NLRP8: variants seen among roughly 807,000 people sequenced by gnomAD.
The protein encoded by NLRP8 is NLR family pyrin domain containing 8.
A neutral mutation model predicts 88.7 loss-of-function variants in NLRP8; 86 were observed. That is an observed-to-expected ratio of 0.97 (90% CI 0.81 to 1.16). The LOEUF (loss-of-function observed/expected upper bound fraction) is 1.16, where lower values mean the gene tolerates loss of function less well. NLRP8 is among the 50% of genes most tolerant of loss of function. The pLI is 0.00. For synonymous variants in NLRP8, 504 were observed against 494.6 expected (o/e 1.02, Z -0.25); for missense variants, 1,342 against 1,286.5 (o/e 1.04, Z -0.66).
rs376178264 is a variant in NLRP8 at position 55,947,869 on chromosome 19, G to A, written c.-34G>A. 2.4e-5 allele frequency: 37 copies of A among 1,571,436 alleles called. No individual in the cohort carries two copies. The highest frequency in any genetic ancestry group is 1.9e-4 in the Middle Eastern group (1 of 5,364). ...TCTCTTCCAATCGGTTGTCTTTATCGTGGACACTGAGGTGTTCTCTGCCTT... is the reference window on the plus strand; with the variant it reads ...TCTCTTCCAATCGGTTGTCTTTATCATGGACACTGAGGTGTTCTCTGCCTT... On this transcript the variant is annotated 5_prime_UTR_variant, in exon 1 of 10. It adds an upstream start codon to the 5' untranslated region. Transcript: ENST00000291971.
At position 55,948,022 on chromosome 19, in the gene NLRP8, G is replaced by C; in HGVS notation, c.120G>C (p.Gly40=). 1.2e-6 allele frequency: 2 copies of C among 1,614,018 alleles called. No individual in the cohort carries two copies. The highest frequency in any genetic ancestry group is 1.7e-6 in the Non-Finnish European group (2 of 1,180,016). ...ACCCCGGCTCCCCATGTGAAAATGG[G>C]GTCATGCTGTACATGAGAAACGTGA... Residue 40 remains glycine, a synonymous_variant, in exon 1 of 10, where the codon GGG becomes GGC. Coordinates refer to ENST00000291971, the MANE Select transcript of NLRP8 (RefSeq NM_176811.2).
chr19:55,956,361 A>G (rs959200305), intron 3 of NLRP8, among the ~76,000 whole-genome samples: 3 of 152,072 alleles, frequency 2.0e-5, no homozygotes, highest in Non-Finnish European at 4.4e-5. Context: ...CTCCTGCCTC[A>G]GCCTCCCGAG....
chr19:55,971,077 T>C (rs1354553120), intron 6 of NLRP8, among the ~76,000 whole-genome samples: 1 of 152,148 alleles, frequency 6.6e-6, no homozygotes, highest in Non-Finnish European at 1.5e-5. Flanking sequence ...CCTTAATTTA[T>C]GTATAGTATT....
intron 5 of NLRP8, among the ~76,000 whole-genome samples, chr19:55,966,728 A>G (rs570509403): frequency 4.9e-4 from 74 of 152,058 alleles, no homozygotes; most frequent in Non-Finnish European, 1.0e-3. Flanking sequence ...AGGCAGGATA[A>G]TTGCTTCAGC....
intron 3 of NLRP8, among the ~76,000 whole-genome samples, chr19:55,958,294 T>A (rs1020090193): frequency 6.6e-6 from 1 of 152,200 alleles, no homozygotes; most frequent in Non-Finnish European, 1.5e-5. Context: ...AGCATATGGA[T>A]GTGTAGCGCT....
chr19:55,965,145 T>G (rs139014113), intron 4 of NLRP8, among the ~76,000 whole-genome samples: 265 of 152,128 alleles, frequency 1.7e-3, no homozygotes, highest in African/African-American at 6.3e-3. Flanking sequence ...AAAAAGAAAG[T>G]AGATCAGAAA....
rs377366374 is a variant in NLRP8, at chr19:55,966,196, C to T, written c.2214-17C>T. ...TGGACGGGACCCTATTCCAAGGAGA[C>T]GCTCTTCCCTCTCCAGCCTAAGGCG... is the stretch of plus-strand genomic sequence containing the variant. On this transcript the variant is annotated splice_polypyrimidine_tract_variant and intron_variant, in intron 4 of 9. Coordinates refer to ENST00000291971, the MANE Select transcript of NLRP8 (RefSeq NM_176811.2). 1.8e-5 allele frequency: 29 copies of T among 1,611,368 alleles called. No individual in the cohort carries two copies. Among genetic ancestry groups the T allele is most frequent in the African/African-American group, 9.3e-5 (7 of 74,874 alleles).
intron 4 of NLRP8, among the ~76,000 whole-genome samples, chr19:55,962,799 A>G (rs1245943196): frequency 6.6e-6 from 1 of 152,076 alleles, no homozygotes; most frequent in African/African-American, 2.4e-5. Flanking sequence ...ACAAACTATA[A>G]ATAAATAAAA....
At chr19:55,973,856 C>A in intron 7 of NLRP8, 34 bp downstream of exon 7, 1 of 1,593,436 alleles carries the variant, frequency 6.3e-7, no homozygotes, top group Non-Finnish European at 8.6e-7. Context: ...TCTGAATTCC[C>A]TGGAGCAGAA....
chr19:55,988,246 A>G lies in NLRP8; in HGVS notation c.*333A>G. 1 of 165,378 alleles carries G rather than the reference A, an allele frequency of 6.0e-6. No individual in the cohort carries two copies. Among genetic ancestry groups the G allele is most frequent in the Non-Finnish European group, 1.3e-5 (1 of 77,098 alleles). 10.2% of individuals were successfully genotyped at this position (165,378 alleles called of 1,614,324 possible). On this transcript the variant is annotated 3_prime_UTR_variant, in exon 10 of 10. Transcript: ENST00000291971. ...GCCTCTACTAAAAAAAAAAATACAA[A>G]AAATTAGGCGTGGTGGTGGGCTCCT...
intron 6 of NLRP8, among the ~76,000 whole-genome samples, chr19:55,973,011 C>G (rs1219624185): frequency 6.6e-6 from 1 of 152,152 alleles, no homozygotes; most frequent in Non-Finnish European, 1.5e-5. Context: ...AATGGTCACT[C>G]TACTTTTAGT....
At chr19:55,984,511 A>C (rs1286524619) in intron 9 of NLRP8, among the ~76,000 whole-genome samples, 1 of 150,844 alleles carries the variant, frequency 6.6e-6, no homozygotes, top group Admixed American at 6.7e-5. Context: ...AAAATTAGCC[A>C]GGCGTGGTGG....
chr19:55,960,895 CT>C, intron 3 of NLRP8, among the ~76,000 whole-genome samples: 1 of 112,662 alleles, frequency 8.9e-6, no homozygotes, highest in Non-Finnish European at 1.7e-5. Flanking sequence ...TCAACTATTT[CT>C]CTTTTTTTTT....
Position 55,976,484 on chromosome 19 carries a change from C to T in NLRP8, c.2876+181C>T, listed in dbSNP as rs566816125. On this transcript the variant is annotated intron_variant, in intron 8 of 9. Coordinates refer to ENST00000291971, the MANE Select transcript of NLRP8 (RefSeq NM_176811.2). ...TCAAAGTGTGGATCAGCAGCAGTTT[C>T]GCCTGGGCAGGACACACACAAATTT... 3.0e-4 allele frequency among the ~76,000 whole-genome samples: 45 copies of T among 152,184 alleles called. 1 individual carries two copies. The highest frequency in any genetic ancestry group is 2.8e-3 in the Admixed American group (43 of 15,266).
rs115568581 is a variant in NLRP8 at position 55,952,039 on chromosome 19, A to G, written c.368-499A>G. On this transcript the variant is annotated intron_variant, in intron 1 of 9. Transcript: ENST00000291971. ...AGTGCTGGGATTACAGGCGTGAGCC[A>G]CAGTGCCCAGCCTCGTATTGGTTTT... 8.9e-3 allele frequency among the ~76,000 whole-genome samples: 1,358 copies of G among 152,330 alleles called. 28 individuals carry two copies. The highest frequency in any genetic ancestry group is 0.031 in the African/African-American group (1,284 of 41,578).
chr19:55,981,355 G>A (rs1980565266), intron 9 of NLRP8, among the ~76,000 whole-genome samples, 197 bp downstream of exon 10: 2 of 152,036 alleles, frequency 1.3e-5, no homozygotes, highest in Admixed American at 1.3e-4. Context: ...CTCCATCAAT[G>A]TTATGGAGTG....
rs533376449 is a variant in NLRP8 at position 55,961,530 on chromosome 19, G to A, written c.2043-537G>A. 1.5e-4 allele frequency among the ~76,000 whole-genome samples: 23 copies of A among 152,236 alleles called. No homozygotes were observed. In the South Asian group the frequency reaches 2.3e-3, roughly 15 times the overall value. ...AAAAAAGCAATTCCTGGTTAGGCACGGTGATTCACACCTGTAACCCTAGCA... is the reference window on the plus strand; with the variant it reads ...AAAAAAGCAATTCCTGGTTAGGCACAGTGATTCACACCTGTAACCCTAGCA... On this transcript the variant is annotated intron_variant, in intron 3 of 9. Transcript: ENST00000291971.
intron 8 of NLRP8, 117 bp downstream of exon 8, chr19:55,976,420 A>C (rs1980327222): frequency 2.3e-6 from 2 of 873,412 alleles, no homozygotes; most frequent in Non-Finnish European, 3.2e-6. Context: ...TGTTCCCTCC[A>C]TTGAATTGGA....
intron 8 of NLRP8, among the ~76,000 whole-genome samples, chr19:55,978,865 A>G (rs1980456748): frequency 6.6e-6 from 1 of 152,172 alleles, no homozygotes; most frequent in Non-Finnish European, 1.5e-5. Context: ...TTGAAGCTAC[A>G]GTGAGTCAGG....
Sources: gnomAD v4.1 joint callset for allele counts (sites outside exome capture counted in the v4.1 genomes callset) on GRCh38, gnomAD v4.1.1 for gene constraint, MANE v1.5 for transcripts, NCBI Gene and HGNC (gene_info 2026-07-23, HGNC 2026-07-21) for gene names.